Variants in ELMO2 observed in about 807,000 individuals in gnomAD.
The protein encoded by ELMO2 is engulfment and cell motility 2.
A neutral mutation model predicts 96.2 loss-of-function variants in ELMO2; 37 were observed. That is an observed-to-expected ratio of 0.38 (90% confidence interval 0.30 to 0.51). ELMO2 has a LOEUF of 0.51. Ranked by LOEUF, ELMO2 falls within the 20% of genes least tolerant of loss-of-function variation. The pLI, the probability that ELMO2 is intolerant of heterozygous loss-of-function variation, is 0.88. For synonymous variants in ELMO2, 315 were observed against 329.4 expected (o/e 0.96, Z 0.47); for missense variants, 561 against 912.6 (o/e 0.61, Z 4.96).
chr20:46,371,591 G>C lies in ELMO2; in HGVS notation c.1681C>G (p.Arg561Gly). Residue 561 changes from arginine (R) to glycine (G), a missense_variant, in exon 18 of 22, where the codon CGC (arginine) becomes GGC (glycine). Physicochemically the swap from Arg to Gly is moderately radical, Grantham distance 125. Transcript: ENST00000290246. The surrounding 1 kb of genome is among the most constrained non-coding windows in gnomAD (Gnocchi z 5.9). The part of the protein sequence containing the change: ...EGSSFRKIGN[R>G]RRQERFWYCR... ...CGTCTCCTCTCACCTTGCCTTCGGC[G>C]GTTCCCAATCTTTCGGAAGCTGCTG... 6.2e-7 allele frequency: 1 copy of C among 1,602,300 alleles called. No homozygotes were observed. The highest frequency in any genetic ancestry group is 8.5e-7 in the Non-Finnish European group (1 of 1,174,790).
At chr20:46,395,960 C>T (rs773198070) in intron 2 of ELMO2, among the ~76,000 whole-genome samples, 1 of 152,244 alleles carries the variant, frequency 6.6e-6, no homozygotes, top group East Asian at 1.9e-4. Flanking sequence ...TAAGTCATAA[C>T]GGTTGACAGA....
At chr20:46,393,777 G>GAGCA (rs1568781986) in intron 4 of ELMO2, among the ~76,000 whole-genome samples, 176 bp from the exon 5 acceptor site, 2 of 152,176 alleles carry the variant, frequency 1.3e-5, no homozygotes, top group Non-Finnish European at 2.9e-5. Flanking sequence ...TTGTAAAGAT[G>GAGCA]AGCACCACAA....
chr20:46,397,669 A>G (rs765282243), intron 2 of ELMO2, among the ~76,000 whole-genome samples: 2 of 152,188 alleles, frequency 1.3e-5, no homozygotes, highest in South Asian at 2.1e-4. Context: ...AGACTCCATC[A>G]TAAATAAATA....
intron 3 of ELMO2, 105 bp downstream of exon 3, chr20:46,394,300 G>T: frequency 7.4e-7 from 1 of 1,358,422 alleles, no homozygotes; most frequent in Non-Finnish European, 1.0e-6. Flanking sequence ...CCTGTTGCTC[G>T]TTCTTACTCT....
chr20:46,387,632 CAAAAA>C (rs60792576), intron 7 of ELMO2, 195 bp from the exon 8 acceptor site: 34 of 108,956 alleles, frequency 3.1e-4, no homozygotes, highest in East Asian at 1.3e-3. Flanking sequence ...TCTATCGCTG[CAAAAA>C]AAAAAAAAAA....
At chr20:46,392,375 T>C (rs1177909726) in intron 6 of ELMO2, among the ~76,000 whole-genome samples, 1 of 152,206 alleles carries the variant, frequency 6.6e-6, no homozygotes, top group Non-Finnish European at 1.5e-5. Flanking sequence ...ATCCATCCTT[T>C]CATCTCCATT....
chr20:46,367,996 A>G (rs1018705828), intron 21 of ELMO2, among the ~76,000 whole-genome samples: 1 of 152,074 alleles, frequency 6.6e-6, no homozygotes, highest in African/African-American at 2.4e-5. Context: ...AATCCAGTCA[A>G]TACATATTAA....
chr20:46,393,741 G>T, intron 4 of ELMO2, 140 bp from the exon 5 acceptor site: 2 of 1,005,920 alleles, frequency 2.0e-6, no homozygotes, highest in Non-Finnish European at 1.5e-6. Flanking sequence ...AGGTTGTCAT[G>T]TTGAAAAAAT....
chr20:46,377,187 G>A (rs1312331876), intron 11 of ELMO2, among the ~76,000 whole-genome samples: 1 of 152,068 alleles, frequency 6.6e-6, no homozygotes, highest in East Asian at 1.9e-4. Flanking sequence ...AGGCCAAACT[G>A]AGAGGTGCTG....
At chr20:46,397,584 C>G (rs1191807853) in intron 2 of ELMO2, among the ~76,000 whole-genome samples, 2 of 152,148 alleles carry the variant, frequency 1.3e-5, no homozygotes, top group Non-Finnish European at 2.9e-5. Context: ...GCAGGGAGGA[C>G]AGCTTGAACC....
chr20:46,375,245 C>T lies in ELMO2; in HGVS notation c.1056G>A (p.Leu352=), dbSNP rs1179323072. The change falls in exon 13 of 22, where the codon CTG becomes CTA. Residue 352 remains leucine, a synonymous_variant. Coordinates refer to ENST00000290246, the MANE Select transcript of ELMO2 (RefSeq NM_133171.5). This position sits in a 1 kb window ranked among gnomAD's most constrained non-coding sequence, Gnocchi z 4.6. ...KAMYTKDYKM[L]GFTNHINPAM... ...GCTCTGAGGTACTTACGGTAAATCC[C>T]AGCATTTTGTAGTCCTTTGTGTACA... 6.2e-7 allele frequency: 1 copy of T among 1,613,848 alleles called. No homozygotes were observed. The highest frequency in any genetic ancestry group is 1.3e-5 in the African/African-American group (1 of 74,908).
intron 7 of ELMO2, among the ~76,000 whole-genome samples, chr20:46,388,630 G>A (rs2060092471): frequency 6.6e-6 from 1 of 151,952 alleles, no homozygotes; most frequent in Non-Finnish European, 1.5e-5. Flanking sequence ...TGGGCTGGGA[G>A]GTGACTGAAG....
chr20:46,399,619 T>C (rs1292198135), intron 1 of ELMO2, among the ~76,000 whole-genome samples: 1 of 152,204 alleles, frequency 6.6e-6, no homozygotes, highest in Non-Finnish European at 1.5e-5. Context: ...GTTACATATT[T>C]ACACATCTCC....
rs143830315 is a variant in ELMO2, at chr20:46,402,582, G to A, written c.-125-3811C>T. 1.4e-4 allele frequency among the ~76,000 whole-genome samples: 21 copies of A among 152,358 alleles called. No individual in the cohort carries two copies. The East Asian group carries it at 3.9e-3, about 28-fold the overall frequency. ...AGGAGATGGAGCTTGGGTAGGGAGG[G>A]AGTGTGGTGTGCTGGGAAGAGTCCT... is the stretch of plus-strand genomic sequence containing the variant. On this transcript the variant is annotated intron_variant, in intron 1 of 21. Transcript: ENST00000290246.
intron 2 of ELMO2, among the ~76,000 whole-genome samples, chr20:46,394,980 G>C (rs2060219296): frequency 6.6e-6 from 1 of 152,176 alleles, no homozygotes; most frequent in Non-Finnish European, 1.5e-5. Context: ...AGCATCAGCA[G>C]GGCCCAGCTA....
chr20:46,405,295 T>C (rs1293385719), intron 1 of ELMO2, among the ~76,000 whole-genome samples: 2 of 152,168 alleles, frequency 1.3e-5, no homozygotes, highest in African/African-American at 4.8e-5. Flanking sequence ...GCAGAAGTGA[T>C]GCTTAAGCGG....
intron 11 of ELMO2, among the ~76,000 whole-genome samples, chr20:46,378,996 C>G (rs1026249321): frequency 6.6e-6 from 1 of 152,018 alleles, no homozygotes; most frequent in African/African-American, 2.4e-5. Flanking sequence ...GATAAAGTTG[C>G]CTCCTTTTTT....
At position 46,375,161 on chromosome 20, in the gene ELMO2, G is replaced by T. The variant is rs965366730; in HGVS notation, c.1065+75C>A. On this transcript the variant is annotated intron_variant, in intron 13 of 21. Transcript: ENST00000290246. This position sits in a 1 kb window ranked among gnomAD's most constrained non-coding sequence, Gnocchi z 4.6. ...GGCCACCATGGGGTTGGTTGTCAGA[G>T]CTCTGTCTGGGTGGGACCATTGACT... The T allele has an allele frequency of 7.1e-6, 11 of 1,543,858 alleles. No homozygotes were observed. The highest frequency in any genetic ancestry group is 5.6e-5 in the Admixed American group (3 of 53,682).
intron 1 of ELMO2, among the ~76,000 whole-genome samples, chr20:46,399,468 C>T (rs529813063): frequency 6.6e-5 from 10 of 152,316 alleles, no homozygotes; most frequent in East Asian, 1.9e-4. Flanking sequence ...GAGCCTAGTT[C>T]GGATGTTACC....
Sources: gnomAD v4.1 joint callset for allele counts (sites outside exome capture counted in the v4.1 genomes callset) on GRCh38, gnomAD v4.1.1 for gene constraint, Gnocchi (gnomAD v3.1) non-coding constraint, MANE v1.5 for transcripts, NCBI Gene and HGNC (gene_info 2026-07-23, HGNC 2026-07-21) for gene names.